Variants in HEATR4 observed in about 807,000 individuals in gnomAD.
HEATR4 encodes HEAT repeat-containing protein 4.
A neutral mutation model predicts 108.8 loss-of-function variants in HEATR4; 95 were observed. The ratio of observed to expected loss-of-function variants is 0.87; its 90% CI spans 0.74 to 1.04. HEATR4 has a LOEUF of 1.04. Ranked by LOEUF, HEATR4 falls within the 50% of genes least tolerant of loss-of-function variation. The pLI is 0.00. For synonymous variants in HEATR4, 443 were observed against 459.4 expected, an observed-to-expected ratio of 0.96 and a Z score of 0.46; for missense variants, 1,152 against 1,253.8, an observed-to-expected ratio of 0.92 and a Z score of 1.23.
the HEATR4 span, among the ~76,000 whole-genome samples, chr14:73,622,561 C>T: frequency 8.6e-5 from 13 of 151,972 alleles, no homozygotes; most frequent in East Asian, 1.9e-4. Context: ...CCACCACACC[C>T]GGCTAATTTT....
At chr14:73,516,520 G>A (rs997393398) in intron 5 of HEATR4, among the ~76,000 whole-genome samples, 1 of 149,100 alleles carries the variant, frequency 6.7e-6, no homozygotes, top group African/African-American at 2.5e-5. Context: ...TAACCTCATA[G>A]GAATAAAAAA....
At chr14:73,569,937 C>G in the HEATR4 span, 2 of 1,548,262 alleles carry the variant, frequency 1.3e-6, no homozygotes, top group Non-Finnish European at 1.7e-6. Flanking sequence ...CTTTGTGTGT[C>G]TCCCCCGCCC....
the HEATR4 span, among the ~76,000 whole-genome samples, chr14:73,615,055 C>T: frequency 6.9e-6 from 1 of 143,984 alleles, no homozygotes; most frequent in African/African-American, 2.6e-5. Flanking sequence ...CACCGTTGCA[C>T]TCCAGCCTGG....
the HEATR4 span, among the ~76,000 whole-genome samples, chr14:73,577,908 TG>T: frequency 6.6e-6 from 1 of 151,694 alleles, no homozygotes; most frequent in Non-Finnish European, 1.5e-5. Context: ...TGGAGTACAA[TG>T]GCTTGATCTT....
At chr14:73,629,806 G>C in the HEATR4 span, among the ~76,000 whole-genome samples, 1 of 151,790 alleles carries the variant, frequency 6.6e-6, no homozygotes, top group Non-Finnish European at 1.5e-5. Flanking sequence ...CACCAAGCCC[G>C]GCTAATTTTT....
At chr14:73,544,162 C>T (rs4899470) in intron 1 of HEATR4, among the ~76,000 whole-genome samples, 37,632 of 112,816 alleles carry the variant, frequency 0.33, 14,589 homozygotes, top group Admixed American at 0.48. Context: ...GGCGTGGTGG[C>T]GCATGCCTGT....
chr14:73,543,065 G>A (rs1288728160), intron 1 of HEATR4: 5 of 1,531,736 alleles, frequency 3.3e-6, no homozygotes, highest in Middle Eastern at 3.4e-4. Flanking sequence ...AGGTCCAGGA[G>A]TTGGGCTGCT....
chr14:73,501,967 G>C (rs915348791), intron 11 of HEATR4, among the ~76,000 whole-genome samples: 1 of 150,934 alleles, frequency 6.6e-6, no homozygotes, highest in African/African-American at 2.4e-5. Context: ...GGATGGTCTC[G>C]ATCTCCTGAC....
In HEATR4 at chr14:73,532,718, GC is replaced by G. The variant is rs1428733956; in HGVS notation, c.-151-2475del. On this transcript the variant is annotated intron_variant, in intron 1 of 17. Transcript: ENST00000553558. ...GCTCATAATCCTAGCACTTTGGGAGGCCAAGGTGGGCAGATCACAAGGTCAG... is the reference window on the plus strand; with the variant it reads ...GCTCATAATCCTAGCACTTTGGGAGGCAAGGTGGGCAGATCACAAGGTCAG... Among the ~76,000 whole-genome samples, 9 of 115,042 alleles carry G rather than the reference GC, an allele frequency of 7.8e-5. 2 individuals are homozygous for G. Among genetic ancestry groups the G allele is most frequent in the East Asian group, 1.4e-3 (2 of 1,480 alleles). 75.5% of individuals were successfully genotyped at this position (115,042 alleles called of 152,430 possible). A position where few individuals can be genotyped will look rare whatever the true frequency, so the allele number is the denominator to read the frequency against.
the HEATR4 span, among the ~76,000 whole-genome samples, chr14:73,602,867 G>C: frequency 5.9e-5 from 9 of 152,112 alleles, no homozygotes; most frequent in Admixed American, 2.6e-4. Flanking sequence ...GCCCTCTGTA[G>C]CATCTCAAAT....
chr14:73,568,098 G>A, the HEATR4 span: 2 of 152,050 alleles, frequency 1.3e-5, no homozygotes, highest in African/African-American at 4.8e-5. Flanking sequence ...GAGAGTTCTA[G>A]GCACAGAACA....
In HEATR4 at chr14:73,522,468, A is replaced by G. The variant is rs1405083706; in HGVS notation, c.685T>C (p.Ser229Pro). 7 of 1,614,008 alleles carry G rather than the reference A, an allele frequency of 4.3e-6. No individual in the cohort carries two copies. The African/African-American group carries it at 8.0e-5, about 18-fold the overall frequency. The change falls in exon 3 of 18, where the codon TCC becomes CCC. Residue 229 changes from serine to proline, a missense_variant. Ser to Pro is a moderately conservative substitution (Grantham distance 74). Transcript: ENST00000553558. ...AGGAAGCTCTGCCACTTGTTGGGGG[A>G]TGCCCCAGGCCTTCGAGGACGCTTG... is the stretch of plus-strand genomic sequence containing the variant. ...QSKRPRRPGASPNKWQSFLRQ... is the reference protein window; with the variant it reads ...QSKRPRRPGAPPNKWQSFLRQ...
the HEATR4 span, among the ~76,000 whole-genome samples, chr14:73,589,806 C>G: frequency 6.6e-6 from 1 of 151,814 alleles, no homozygotes; most frequent in East Asian, 1.9e-4. Flanking sequence ...GAGATTGTAC[C>G]TTCTGATGTT....
the HEATR4 span, among the ~76,000 whole-genome samples, chr14:73,568,831 G>A: frequency 6.6e-6 from 1 of 152,088 alleles, no homozygotes; most frequent in African/African-American, 2.4e-5. Flanking sequence ...TGATGTGGAG[G>A]ATAGGCATAT....
the HEATR4 span, chr14:73,619,891 T>A: frequency 3.2e-5 from 48 of 1,501,292 alleles, 1 homozygote; most frequent in Middle Eastern, 9.5e-4. Flanking sequence ...TCATACAACT[T>A]GTGTTGGGTT....
At chr14:73,588,852 C>T in the HEATR4 span, among the ~76,000 whole-genome samples, 4 of 152,050 alleles carry the variant, frequency 2.6e-5, no homozygotes, top group South Asian at 6.2e-4. Flanking sequence ...GAACCCTGGA[C>T]CCTCAGATTA....
rs1248445870 is a variant in HEATR4 at position 73,525,290 on chromosome 14, C to T, written c.-72-2066G>A. Among the ~76,000 whole-genome samples, 4 of 152,164 alleles carry T rather than the reference C, an allele frequency of 2.6e-5. No individual in the cohort carries two copies. In the East Asian group the frequency reaches 7.7e-4, roughly 29 times the overall value. On this transcript the variant is annotated intron_variant, in intron 2 of 17. Transcript: ENST00000553558. The stretch of plus-strand genomic sequence containing the variant: ...GTCAACAATCTGCCTGCCTTGGCTT[C>T]TCAAAGCGTTGGGATTACAGGTGTG...
chr14:73,563,694 A>G (rs1889562967), upstream of HEATR4, among the ~76,000 whole-genome samples: 1 of 151,740 alleles, frequency 6.6e-6, no homozygotes, highest in Non-Finnish European at 1.5e-5. Flanking sequence ...TTGTTCCAGC[A>G]GCTCATGCCT....
intron 11 of HEATR4, among the ~76,000 whole-genome samples, chr14:73,501,870 C>T (rs540069155): frequency 1.4e-4 from 22 of 152,116 alleles, no homozygotes; most frequent in African/African-American, 5.1e-4. Flanking sequence ...TCTCCTGCCT[C>T]AGCCTCCCGA....
Sources: gnomAD v4.1 joint callset for allele counts (sites outside exome capture counted in the v4.1 genomes callset) on GRCh38, gnomAD v4.1.1 for gene constraint, MANE v1.5 for transcripts, NCBI Gene and HGNC (gene_info 2026-07-23, HGNC 2026-07-21) for gene names.